CSGALNACT1: variants seen among roughly 807,000 people sequenced by gnomAD.
CSGALNACT1 encodes the protein chondroitin sulfate N-acetylgalactosaminyltransferase 1, also known as beta4GalNAcT-1.
Under a neutral mutation model 51.0 loss-of-function variants are expected in CSGALNACT1, and 52 were observed. The ratio of observed to expected loss-of-function variants is 1.02; its 90% CI spans 0.82 to 1.29. The LOEUF is 1.29. Ranked by LOEUF, CSGALNACT1 falls within the 50% of genes most tolerant of loss-of-function variation. The pLI is 0.00. For synonymous variants in CSGALNACT1, 341 were observed against 254.4 expected (o/e 1.34, Z -3.24); for missense variants, 935 against 679.2 (o/e 1.38, Z -4.19).
At chr8:19,602,000 G>A in exon 1 of CSGALNACT1, 1 of 381,662 alleles carries the variant, frequency 2.6e-6, no homozygotes, top group South Asian at 2.0e-5. Context: ...ACCCCAAAAA[G>A]CAGGATGGTA....
chr8:19,662,978 G>A (rs1034392016), intron 1 of CSGALNACT1, among the ~76,000 whole-genome samples: 3 of 152,210 alleles, frequency 2.0e-5, no homozygotes, highest in Non-Finnish European at 2.9e-5. Flanking sequence ...CTGTAATGAT[G>A]CAAGGAAAAG....
At chr8:19,463,722 T>C (rs976907914) in intron 4 of CSGALNACT1, among the ~76,000 whole-genome samples, 3 of 152,184 alleles carry the variant, frequency 2.0e-5, no homozygotes, top group East Asian at 1.9e-4. Context: ...TTAAACACCC[T>C]ACCTGGCACC....
rs1564384597 is a variant in CSGALNACT1, at chr8:19,666,926, A to AAGG, written c.-544+15546_-544+15547insCCT. Among the ~76,000 whole-genome samples the AAGG allele has an allele frequency of 2.3e-3, 315 of 135,840 alleles. 19 individuals carry two copies. Among genetic ancestry groups the AAGG allele is most frequent in the African/African-American group, 8.9e-3 (295 of 33,284 alleles). The allele number at this position is 135,840 out of a possible 152,430, so 89.1% of individuals were successfully genotyped here. A position where few individuals can be genotyped will look rare whatever the true frequency, so the allele number is the denominator to read the frequency against. The stretch of plus-strand genomic sequence containing the variant: ...GGAAGGGAGGAAGGGAGGAAGGGAG[A>AAGG]GACAGAGAGAGAGAGAAAAAGAAAG... On this transcript the variant is annotated intron_variant, in intron 1 of 9. Coordinates refer to the CSGALNACT1 transcript ENST00000332246.
intron 1 of CSGALNACT1, among the ~76,000 whole-genome samples, chr8:19,734,819 C>G (rs2063878328): frequency 6.6e-6 from 1 of 151,814 alleles, no homozygotes; most frequent in African/African-American, 2.4e-5. Context: ...ATAATATATA[C>G]ATATATGTGT....
exon 2 of CSGALNACT1, chr8:19,601,790 A>C (rs990196716): frequency 2.2e-6 from 1 of 453,642 alleles, no homozygotes; most frequent in African/African-American, 2.0e-5. Context: ...CAAGAAGGGA[A>C]GGTTAGGAGG....
chr8:19,632,704 G>A (rs896931322), intron 1 of CSGALNACT1, among the ~76,000 whole-genome samples: 3 of 152,138 alleles, frequency 2.0e-5, no homozygotes, highest in Non-Finnish European at 2.9e-5. Flanking sequence ...CTCTCCCCAG[G>A]AAAGGAAAGT....
At chr8:19,457,289 T>G (rs952933620) in intron 5 of CSGALNACT1, among the ~76,000 whole-genome samples, 18 of 152,288 alleles carry the variant, frequency 1.2e-4, no homozygotes, top group African/African-American at 3.8e-4. Flanking sequence ...TACTGAACAT[T>G]ATGCCTTTCA....
At chr8:19,712,173 G>A (rs921535179) in intron 1 of CSGALNACT1, among the ~76,000 whole-genome samples, 5 of 152,096 alleles carry the variant, frequency 3.3e-5, no homozygotes, top group Non-Finnish European at 5.9e-5. Context: ...CTACAGGTTC[G>A]CGCCGCCACG....
intron 1 of CSGALNACT1, among the ~76,000 whole-genome samples, chr8:19,745,604 C>G (rs571143644): frequency 6.6e-6 from 1 of 152,290 alleles, no homozygotes; most frequent in South Asian, 2.1e-4. Flanking sequence ...CCATTTGATT[C>G]ATGAAGCTTT....
At chr8:19,458,352 A>G in intron 5 of CSGALNACT1, 74 bp downstream of exon 4, 2 of 1,178,910 alleles carry the variant, frequency 1.7e-6, no homozygotes, top group Non-Finnish European at 2.6e-6. Context: ...GAAATGAAGG[A>G]GATGACGGGA....
At position 19,517,292 on chromosome 8, in the gene CSGALNACT1, T is replaced by C. The variant is rs1028702912; in HGVS notation, c.-296-11162A>G. 4.0e-5 allele frequency among the ~76,000 whole-genome samples: 6 copies of C among 151,874 alleles called. 1 individual carries two copies. Among genetic ancestry groups the C allele is most frequent in the Admixed American group, 3.9e-4 (6 of 15,240 alleles). On this transcript the variant is annotated intron_variant, in intron 3 of 9. Transcript: ENST00000454498. ...ACCATCTCTACTAAAAATACAAAAT[T>C]AGCTGGGTGTGGTGGCACATGCCTG...
At chr8:19,572,544 C>T (rs1041634660) in intron 3 of CSGALNACT1, among the ~76,000 whole-genome samples, 2 of 152,184 alleles carry the variant, frequency 1.3e-5, no homozygotes, top group African/African-American at 2.4e-5. Flanking sequence ...GCAAATAAAC[C>T]ACTTTCTGGG....
In CSGALNACT1 at chr8:19,651,812, G is replaced by A. The variant is rs1234125687; in HGVS notation, c.-544+30661C>T. 2.0e-5 allele frequency among the ~76,000 whole-genome samples: 3 copies of A among 152,114 alleles called. 1 individual carries two copies. The South Asian group carries it at 6.2e-4, about 32-fold the overall frequency. The stretch of plus-strand genomic sequence containing the variant: ...AGATTACTGGGTTAAATAGTGTTTT[G>A]AAGTTCTTTCAGAAATCTCCAAACT... On this transcript the variant is annotated intron_variant, in intron 1 of 9. Transcript: ENST00000332246.
intron 1 of CSGALNACT1, among the ~76,000 whole-genome samples, chr8:19,623,745 G>C (rs996289572): frequency 6.6e-6 from 1 of 152,200 alleles, no homozygotes; most frequent in African/African-American, 2.4e-5. Flanking sequence ...TCATGAATCA[G>C]AAACTACTTA....
At chr8:19,603,047 T>TAC (rs5889877), upstream of CSGALNACT1, among the ~76,000 whole-genome samples, 3,310 of 123,020 alleles carry the variant, frequency 0.027, 64 homozygotes, top group African/African-American at 0.051. Context: ...ACTGTGTGTA[T>TAC]ACACACACAC....
chr8:19,599,374 G>A (rs2049730263), intron 2 of CSGALNACT1, among the ~76,000 whole-genome samples: 1 of 150,858 alleles, frequency 6.6e-6, no homozygotes, highest in African/African-American at 2.4e-5. Flanking sequence ...GCTCACACCT[G>A]TAATCCCAGC....
chr8:19,509,857 A>T (rs1046328391), intron 3 of CSGALNACT1, among the ~76,000 whole-genome samples: 1 of 152,160 alleles, frequency 6.6e-6, no homozygotes, highest in Non-Finnish European at 1.5e-5. Context: ...TAGAGATGAC[A>T]GTGAAAATAC....
chr8:19,516,016 C>G (rs1210924275), intron 3 of CSGALNACT1, among the ~76,000 whole-genome samples: 2 of 152,150 alleles, frequency 1.3e-5, no homozygotes, highest in Non-Finnish European at 2.9e-5. Context: ...AGCTGCCAAA[C>G]CCCGCAAGGA....
chr8:19,717,667 C>T (rs115311128), intron 1 of CSGALNACT1, among the ~76,000 whole-genome samples: 5,637 of 152,330 alleles, frequency 0.037, 105 homozygotes, highest in Middle Eastern at 0.048. Flanking sequence ...CCAGGACCCA[C>T]TGCCCTGAGC....
Sources: allele counts gnomAD v4.1 joint callset (sites outside exome capture counted in the v4.1 genomes callset), GRCh38; gene constraint gnomAD v4.1.1; transcripts MANE v1.5; gene names NCBI Gene and HGNC (gene_info 2026-07-23, HGNC 2026-07-21).